The following TFDP1 variants were observed in gnomAD, a reference collection of about 807,000 sequenced individuals.
The protein encoded by TFDP1 is transcription factor Dp-1.
A neutral mutation model predicts 48.0 loss-of-function variants in TFDP1; 6 were observed. That is an observed-to-expected ratio of 0.13 (90% confidence interval 0.07 to 0.25). The LOEUF is 0.25. TFDP1 is among the 10% of genes least tolerant of loss of function. The pLI is 1.00. For missense variants in TFDP1, 335 were observed against 543.0 expected (o/e 0.62, Z 3.81); for synonymous variants, 201 against 211.6 (o/e 0.95, Z 0.44).
chr13:113,632,784 AAAAAC>A (rs965301709), intron 5 of TFDP1, among the ~76,000 whole-genome samples: 5 of 152,134 alleles, frequency 3.3e-5, no homozygotes, highest in Non-Finnish European at 5.9e-5. Context: ...TCAAAAAAGA[AAAAAC>A]AACAACAAAA....
At position 113,623,427 on chromosome 13, in the gene TFDP1, C is replaced by G; in HGVS notation, c.186+141C>G. 1.3e-6 allele frequency: 1 copy of G among 763,208 alleles called. No individual in the cohort carries two copies. The highest frequency in any genetic ancestry group is 2.1e-6 in the Non-Finnish European group (1 of 474,454). 47.3% of individuals were successfully genotyped at this position (763,208 alleles called of 1,614,324 possible). ...GGGGCCTTTCCCTCATCAGGGAGCCCGTGGCCAGTGCTAGATTTTCCATAG... is the reference window on the plus strand; with the variant it reads ...GGGGCCTTTCCCTCATCAGGGAGCCGGTGGCCAGTGCTAGATTTTCCATAG... On this transcript the variant is annotated intron_variant, in intron 4 of 11. Transcript: ENST00000375370. The surrounding 1 kb of genome is among the most constrained non-coding windows in gnomAD (Gnocchi z 5.2).
Position 113,636,033 on chromosome 13 carries a change from C to G in TFDP1, c.744C>G (p.Ser248Arg). The part of the protein sequence containing the change: ...QRNRHAEQQA[S>R]RPPPPNSVIH... ...ACCGGCATGCGGAGCAGCAGGCCAG[C>G]CGGCCACCGCCACCCAACTCAGTCA... The change falls in exon 9 of 12, where the codon AGC becomes AGG. Residue 248 changes from serine (S) to arginine (R), a missense_variant. Transcript: ENST00000375370. 1.2e-6 allele frequency: 2 copies of G among 1,614,208 alleles called. No homozygotes were observed. Among genetic ancestry groups the G allele is most frequent in the South Asian group, 2.2e-5 (2 of 91,082 alleles).
intron 2 of TFDP1, among the ~76,000 whole-genome samples, chr13:113,601,594 C>T (rs1025906110): frequency 1.3e-5 from 2 of 152,206 alleles, no homozygotes; most frequent in Non-Finnish European, 2.9e-5. Flanking sequence ...CACCGGAGGT[C>T]GTCCCTGAGC....
intron 2 of TFDP1, among the ~76,000 whole-genome samples, chr13:113,604,991 G>A (rs1428403686): frequency 3.3e-5 from 5 of 152,212 alleles, no homozygotes; most frequent in Non-Finnish European, 5.9e-5. Flanking sequence ...GGTTTTGGAC[G>A]GGACGTGGCT....
At chr13:113,597,694 G>A (rs1021689136) in intron 2 of TFDP1, among the ~76,000 whole-genome samples, 10 of 152,226 alleles carry the variant, frequency 6.6e-5, no homozygotes, top group African/African-American at 2.4e-4. Context: ...GACGAAATTA[G>A]GAGCACCTCA....
chr13:113,610,141 T>G (rs1234959878), intron 2 of TFDP1, among the ~76,000 whole-genome samples: 1 of 149,156 alleles, frequency 6.7e-6, no homozygotes, highest in Admixed American at 6.6e-5. Flanking sequence ...TGTACTGTCA[T>G]GTGTGTGCCC....
chr13:113,599,531 A>G (rs1433953444), intron 2 of TFDP1, among the ~76,000 whole-genome samples: 4 of 152,220 alleles, frequency 2.6e-5, no homozygotes, highest in Non-Finnish European at 5.9e-5. Flanking sequence ...CTGAATGTTC[A>G]TCCTTCGAAA....
In TFDP1 at chr13:113,597,921, T is replaced by G. The variant is rs1309560352; in HGVS notation, c.12+12072T>G. On this transcript the variant is annotated intron_variant, in intron 2 of 11. Transcript: ENST00000375370. ...GCACTGTTTAGAATGATTGAGGGGGTGGCAGGTGGCCAGAAACGGGAGAGG... is the reference window on the plus strand; with the variant it reads ...GCACTGTTTAGAATGATTGAGGGGGGGGCAGGTGGCCAGAAACGGGAGAGG... Among the ~76,000 whole-genome samples the G allele has an allele frequency of 2.0e-5, 3 of 151,864 alleles. No individual in the cohort carries two copies. The East Asian group carries it at 5.8e-4, about 29-fold the overall frequency.
chr13:113,630,172 C>CAT (rs1364320978), intron 4 of TFDP1, among the ~76,000 whole-genome samples: 3 of 151,964 alleles, frequency 2.0e-5, no homozygotes, highest in Admixed American at 6.6e-5. Context: ...CACACACACA[C>CAT]ACACACACAC....
intron 2 of TFDP1, among the ~76,000 whole-genome samples, chr13:113,603,825 A>T (rs1031879387): frequency 6.6e-6 from 1 of 152,186 alleles, no homozygotes; most frequent in African/African-American, 2.4e-5. Context: ...GTAGGGTTGC[A>T]TCTTGAGTGT....
At chr13:113,620,301 G>T (rs1029728935) in intron 3 of TFDP1, among the ~76,000 whole-genome samples, 2 of 152,256 alleles carry the variant, frequency 1.3e-5, no homozygotes, top group Non-Finnish European at 2.9e-5. Context: ...AGACTGGGAT[G>T]CCTGAGTGTA....
At chr13:113,625,643 T>C (rs796593382) in intron 4 of TFDP1, among the ~76,000 whole-genome samples, 13 of 61,444 alleles carry the variant, frequency 2.1e-4, no homozygotes, top group South Asian at 5.3e-4. Context: ...GTCTCTCACG[T>C]GTCCTCAGGC....
intron 2 of TFDP1, among the ~76,000 whole-genome samples, chr13:113,602,206 G>A (rs2048452221): frequency 6.6e-6 from 1 of 151,730 alleles, no homozygotes. Flanking sequence ...TTACCCGCAG[G>A]AGCTGAGGGA....
intron 3 of TFDP1, among the ~76,000 whole-genome samples, chr13:113,619,431 A>G (rs2048940440): frequency 6.7e-6 from 1 of 148,662 alleles, no homozygotes; most frequent in Non-Finnish European, 1.5e-5. Context: ...AGATCATGTC[A>G]CTGCCCTCCA....
chr13:113,634,827 A>ATG (rs377583319), intron 8 of TFDP1, among the ~76,000 whole-genome samples: 7 of 148,234 alleles, frequency 4.7e-5, no homozygotes, highest in Middle Eastern at 3.6e-3. Flanking sequence ...GCATGCATGC[A>ATG]TGTGTGTGTG....
Position 113,633,830 on chromosome 13 carries a change from G to A in TFDP1, c.475-60G>A, listed in dbSNP as rs2049401902. 2 of 1,558,842 alleles carry A rather than the reference G, an allele frequency of 1.3e-6. No individual in the cohort carries two copies. Among genetic ancestry groups the A allele is most frequent in the Non-Finnish European group, 1.7e-6 (2 of 1,152,080 alleles). ...TTTGAGCCAGTGCCCATGGTCTACA[G>A]TTTAAGGATCCACCGGCCTTTTTGG... is the stretch of plus-strand genomic sequence containing the variant. On this transcript the variant is annotated intron_variant, in intron 6 of 11. Transcript: ENST00000375370. This position sits in a 1 kb window ranked among gnomAD's most constrained non-coding sequence, Gnocchi z 4.5.
intron 2 of TFDP1, among the ~76,000 whole-genome samples, chr13:113,593,430 G>C (rs1270343602): frequency 6.8e-6 from 1 of 146,124 alleles, no homozygotes; most frequent in Non-Finnish European, 1.5e-5. Flanking sequence ...CAGGTGTGCT[G>C]TGTGCTGATC....
At chr13:113,605,924 G>A (rs1273185314) in intron 2 of TFDP1, among the ~76,000 whole-genome samples, 5 of 144,990 alleles carry the variant, frequency 3.4e-5, no homozygotes, top group Admixed American at 6.7e-5. Flanking sequence ...AGTGTCCATA[G>A]GGGATCCTGT....
At position 113,636,665 on chromosome 13, in the gene TFDP1, G is replaced by T. The variant is rs368176674; in HGVS notation, c.971G>T (p.Ser324Ile). 2 of 1,610,658 alleles carry T rather than the reference G, an allele frequency of 1.2e-6. No homozygotes were observed. Among genetic ancestry groups the T allele is most frequent in the African/African-American group, 1.4e-5 (1 of 71,776 alleles). The change falls in exon 10 of 12, where the codon AGT (serine) becomes ATT (isoleucine). Residue 324 changes from serine (S) to isoleucine (I), a missense_variant. Coordinates refer to ENST00000375370, the MANE Select transcript of TFDP1 (RefSeq NM_007111.5). ...GCCGAAGACCTTAAAATGGCCAGAA[G>T]TCTGGTCCCCAAGGCTCTGGAGCCA... ...CSAEDLKMAR[S>I]LVPKALEPYV...
Sources: allele counts gnomAD v4.1 joint callset (sites outside exome capture counted in the v4.1 genomes callset), GRCh38; gene constraint gnomAD v4.1.1; non-coding constraint Gnocchi (gnomAD v3.1); transcripts MANE v1.5; gene names NCBI Gene and HGNC (gene_info 2026-07-23, HGNC 2026-07-21).